KIF4A: variants seen among roughly 807,000 people sequenced by gnomAD.
The protein encoded by KIF4A is chromosome-associated kinesin KIF4A.
KIF4A carries 7 observed loss-of-function variants against 105.9 expected under a neutral mutation model. That is an observed-to-expected ratio of 0.07 (90% CI 0.04 to 0.12). The LOEUF is 0.12. Among genes scored for constraint, KIF4A ranks in the 10% least tolerant of loss-of-function variants. The pLI, the probability that KIF4A is intolerant of heterozygous loss-of-function variation, is 1.00. For missense variants in KIF4A, 558 were observed against 929.2 expected (o/e 0.60, Z 5.19); for synonymous variants, 281 against 331.3 (o/e 0.85, Z 1.65).
chrX:70,293,994 T>C (rs1465707951), intron 3 of KIF4A, among the ~76,000 whole-genome samples: 1 of 113,078 alleles, frequency 8.8e-6, no homozygotes, highest in Non-Finnish European at 1.9e-5. Context: ...TTATAAACTT[T>C]AATTTTTTAA....
At chrX:70,415,235 A>G (rs2086338242) in intron 28 of KIF4A, 2 of 200,657 alleles carry the variant, frequency 1.0e-5, no homozygotes, top group South Asian at 5.7e-5. Context: ...AATTGAAGCT[A>G]TATGTATCAA....
chrX:70,401,493 C>T (rs1953425434), intron 22 of KIF4A, among the ~76,000 whole-genome samples: 1 of 109,055 alleles, frequency 9.2e-6, no homozygotes, highest in Non-Finnish European at 1.9e-5. Context: ...CCCCACCTCC[C>T]GGGTTCAAGT....
chrX:70,326,438 C>T (rs1167880499), intron 7 of KIF4A, among the ~76,000 whole-genome samples: 1 of 112,058 alleles, frequency 8.9e-6, no homozygotes, highest in East Asian at 2.8e-4. Flanking sequence ...GCATATAGAT[C>T]TACATTTCTC....
intron 15 of KIF4A, among the ~76,000 whole-genome samples, chrX:70,370,234 A>G (rs1205507903): frequency 9.0e-6 from 1 of 110,759 alleles, no homozygotes; most frequent in East Asian, 2.8e-4. Context: ...TATGACTGTA[A>G]ATGTCTAGAT....
chrX:70,310,934 T>C (rs1022368764), intron 7 of KIF4A, among the ~76,000 whole-genome samples: 5 of 110,103 alleles, frequency 4.5e-5, no homozygotes, highest in Non-Finnish European at 7.6e-5. Context: ...GAGACCAGCC[T>C]GAGCAATATA....
intron 15 of KIF4A, among the ~76,000 whole-genome samples, chrX:70,354,080 A>G (rs1569240263): frequency 8.9e-6 from 1 of 112,536 alleles, no homozygotes; most frequent in African/African-American, 3.2e-5. Context: ...TTATAGAGAA[A>G]TTATATTCTA....
intron 3 of KIF4A, among the ~76,000 whole-genome samples, chrX:70,296,156 C>T (rs2085782723): frequency 1.1e-5 from 1 of 89,352 alleles, no homozygotes; most frequent in Admixed American, 1.5e-4. Flanking sequence ...TTGATCAAGG[C>T]TCACTGTAAC....
Position 70,299,186 on chromosome X carries a change from C to T in KIF4A, c.500C>T (p.Pro167Leu). Residue 167 changes from proline to leucine, a missense_variant, in exon 5 of 31, where the codon CCT (proline) becomes CTT (leucine). Coordinates refer to ENST00000374403, the MANE Select transcript of KIF4A (RefSeq NM_012310.5). ...EKAQINIRED[P>L]KEGIKIVGLT... ...GCTCAAATAAATATACGAGAGGATC[C>T]TAAGGAAGGCATAAAGGTGTGTTTG... The T allele has an allele frequency of 8.3e-7, 1 of 1,203,826 alleles. No individual in the cohort carries two copies. The highest frequency in any genetic ancestry group is 2.3e-4 in the Middle Eastern group (1 of 4,324).
At chrX:70,302,773 A>G (rs1262226904) in intron 7 of KIF4A, among the ~76,000 whole-genome samples, 1 of 112,046 alleles carries the variant, frequency 8.9e-6, no homozygotes, top group Non-Finnish European at 1.9e-5. Context: ...CCATGCCTTC[A>G]TTCAAGTTGT....
chrX:70,326,611 G>GGT (rs2147689389), intron 7 of KIF4A, among the ~76,000 whole-genome samples: 1 of 111,913 alleles, frequency 8.9e-6, no homozygotes, highest in South Asian at 3.7e-4. Context: ...AACACCCAAA[G>GGT]GTATTGAGTA....
chrX:70,318,911 A>C (rs879172390), intron 7 of KIF4A, among the ~76,000 whole-genome samples: 3 of 112,225 alleles, frequency 2.7e-5, no homozygotes, highest in Non-Finnish European at 5.6e-5. Context: ...TGTGTTTTGC[A>C]CATATCTTCT....
Position 70,353,692 on chromosome X carries a change from C to T in KIF4A, c.1559C>T (p.Ala520Val), listed in dbSNP as rs201012366. The change falls in exon 15 of 31, where the codon GCG (alanine) becomes GTG (valine). Residue 520 changes from alanine (A) to valine (V), a missense_variant. By Grantham distance (64) the Ala-to-Val change is moderately conservative. Around this residue, in one of 2 missense-constraint regions of KIF4A, gnomAD observed 469 missense variants for 680.4 expected, o/e 0.69. Transcript: ENST00000374403. ...ACCACTCAGCATGCTCTCCGTCAAG[C>T]GCAGATGTCTAAGGAGCTGGTTGAG... ...AFTTQHALRQ[A>V]QMSKELVELN... 1.2e-5 allele frequency: 15 copies of T among 1,208,987 alleles called. No homozygotes were observed. The highest frequency in any genetic ancestry group is 3.5e-5 in the African/African-American group (2 of 57,156).
In KIF4A at chrX:70,375,185, CT is replaced by C. The variant is rs747863749; in HGVS notation, c.1779-18del. On this transcript the variant is annotated intron_variant, in intron 16 of 30. Coordinates refer to ENST00000374403, the MANE Select transcript of KIF4A (RefSeq NM_012310.5). Reference sequence around the variant, plus strand: ...GCTTTGCTGCTGGTAGTCCTCACTTCTACAGCATCTGTGTTTAGGTTGAGTG... The same window carrying C: ...GCTTTGCTGCTGGTAGTCCTCACTTCACAGCATCTGTGTTTAGGTTGAGTG... 2 of 1,206,423 alleles carry C rather than the reference CT, an allele frequency of 1.7e-6. No individual in the cohort carries two copies. The highest frequency in any genetic ancestry group is 3.5e-5 in the African/African-American group (2 of 56,893).
intron 15 of KIF4A, among the ~76,000 whole-genome samples, chrX:70,354,038 T>C (rs1213534962): frequency 8.9e-6 from 1 of 112,455 alleles, no homozygotes; most frequent in Non-Finnish European, 1.9e-5. Flanking sequence ...TAATAAATAG[T>C]TTGATAACAT....
chrX:70,387,794 G>A (rs755302865), intron 20 of KIF4A, among the ~76,000 whole-genome samples: 2 of 111,569 alleles, frequency 1.8e-5, no homozygotes. Flanking sequence ...TTTGAACCTG[G>A]GAGGTGGACG....
chrX:70,312,168 G>T (rs1247092423), intron 7 of KIF4A, among the ~76,000 whole-genome samples: 75 of 91,066 alleles, frequency 8.2e-4, no homozygotes, highest in Non-Finnish European at 1.3e-3. Flanking sequence ...TTTTTAAGAC[G>T]GAGTGTCACT....
Position 70,395,942 on chromosome X carries a change from T to C in KIF4A, c.2389-7T>C. The C allele has an allele frequency of 8.3e-7, 1 of 1,202,980 alleles. No homozygotes were observed. Among genetic ancestry groups the C allele is most frequent in the Non-Finnish European group, 1.1e-6 (1 of 888,594 alleles). On this transcript the variant is annotated splice_region_variant and splice_polypyrimidine_tract_variant and intron_variant, in intron 21 of 30. Transcript: ENST00000374403. Reference sequence around the variant, plus strand: ...TATTTCACCCTTGTTCTCACTATTATTTACAGAGGCGTACATTCTCCCTTA... The same window carrying C: ...TATTTCACCCTTGTTCTCACTATTACTTACAGAGGCGTACATTCTCCCTTA...
intron 15 of KIF4A, among the ~76,000 whole-genome samples, chrX:70,358,697 C>T (rs1205637529): frequency 1.8e-5 from 2 of 112,322 alleles, no homozygotes; most frequent in South Asian, 3.7e-4. Flanking sequence ...TACTTTCCTA[C>T]AATTTCTAGT....
At chrX:70,290,668 G>A (rs770639011) in intron 2 of KIF4A, 23 bp from the exon 3 acceptor site, 1 of 1,202,166 alleles carries the variant, frequency 8.3e-7, no homozygotes, top group Non-Finnish European at 1.1e-6. Flanking sequence ...TTAACCTTAC[G>A]CCTTGTCCCG....
Sources: gnomAD v4.1 joint callset for allele counts (sites outside exome capture counted in the v4.1 genomes callset) on GRCh38, gnomAD v4.1.1 for gene constraint, gnomAD v4.1.1 regional missense constraint, MANE v1.5 for transcripts, NCBI Gene and HGNC (gene_info 2026-07-23, HGNC 2026-07-21) for gene names.